The following MECOM variants were observed in gnomAD, a reference collection of about 807,000 sequenced individuals.
MECOM encodes the protein MDS1 and EVI1 complex locus, also known as histone-lysine N-methyltransferase MECOM.
In MECOM, 13 loss-of-function variants were observed where a neutral mutation model predicts 116.3. The observed-to-expected ratio is 0.11, with a 90% CI of 0.07 to 0.18. The LOEUF is 0.18. Among genes scored for constraint, MECOM ranks in the 10% least tolerant of loss-of-function variants. The pLI, the probability that MECOM is intolerant of heterozygous loss-of-function variation, is 1.00. For synonymous variants in MECOM, 528 were observed against 535.2 expected (o/e 0.99, Z 0.19); for missense variants, 1,299 against 1,509.0 (o/e 0.86, Z 2.31).
At chr3:169,452,976 TAAGGGAAA>T (rs1745853395) in intron 1 of MECOM, among the ~76,000 whole-genome samples, 3 of 152,350 alleles carry the variant, frequency 2.0e-5, no homozygotes, top group African/African-American at 7.2e-5. Flanking sequence ...GCTGGCTTTT[TAAGGGAAA>T]TTTCTCAAAT....
intron 2 of MECOM, among the ~76,000 whole-genome samples, chr3:169,303,735 G>A (rs1320774575): frequency 6.6e-6 from 1 of 152,188 alleles, no homozygotes; most frequent in Non-Finnish European, 1.5e-5. Context: ...TAAATCCAGT[G>A]AATTGGAAGC....
chr3:169,378,535 A>C (rs1731770918), intron 2 of MECOM, among the ~76,000 whole-genome samples: 3 of 98,274 alleles, frequency 3.1e-5, no homozygotes, highest in Admixed American at 1.0e-4. Flanking sequence ...AGAAAGAAAG[A>C]AAGAAAGAAA....
intron 2 of MECOM, among the ~76,000 whole-genome samples, chr3:169,284,473 C>G (rs896635770): frequency 6.6e-6 from 1 of 151,978 alleles, no homozygotes; most frequent in Non-Finnish European, 1.5e-5. Context: ...AACATTCTCC[C>G]CTTTAACAAA....
At chr3:169,183,697 C>A (rs1235607822) in intron 2 of MECOM, among the ~76,000 whole-genome samples, 1 of 148,806 alleles carries the variant, frequency 6.7e-6, no homozygotes, top group Admixed American at 6.7e-5. Context: ...TCCAAGAAGG[C>A]AGGGAGAAAG....
chr3:169,379,559 G>A (rs927501104), intron 2 of MECOM, among the ~76,000 whole-genome samples: 1 of 152,036 alleles, frequency 6.6e-6, no homozygotes, highest in Non-Finnish European at 1.5e-5. Context: ...AATTATTTTT[G>A]AATTTCCTCC....
At chr3:169,097,821 A>T (rs909872579) in intron 12 of MECOM, among the ~76,000 whole-genome samples, 50 of 66,162 alleles carry the variant, frequency 7.6e-4, no homozygotes, top group South Asian at 6.5e-3. Context: ...TCTATATAAA[A>T]AAAAAAAAAA....
At chr3:169,536,930 A>G (rs973798499) in intron 1 of MECOM, among the ~76,000 whole-genome samples, 7 of 152,124 alleles carry the variant, frequency 4.6e-5, no homozygotes, top group African/African-American at 1.7e-4. Context: ...TCTTATTCCT[A>G]TTTTATAGAT....
At chr3:169,287,930 C>T (rs1056374817) in intron 2 of MECOM, among the ~76,000 whole-genome samples, 1 of 152,162 alleles carries the variant, frequency 6.6e-6, no homozygotes, top group African/African-American at 2.4e-5. Context: ...CAATAAACCA[C>T]TCTAAGTCTG....
chr3:169,502,917 T>A (rs191167951), intron 1 of MECOM, among the ~76,000 whole-genome samples: 12 of 152,306 alleles, frequency 7.9e-5, no homozygotes, highest in Non-Finnish European at 1.6e-4. Flanking sequence ...TGACTAACTT[T>A]CCCAAATACT....
intron 1 of MECOM, among the ~76,000 whole-genome samples, chr3:169,472,560 G>A (rs148104705): frequency 0.016 from 790 of 50,566 alleles, 13 homozygotes; most frequent in African/African-American, 0.041. Flanking sequence ...AAAGAAAAGA[G>A]AGGAGAGGAG....
At chr3:169,630,176 C>T (rs1332140454) in intron 1 of MECOM, among the ~76,000 whole-genome samples, 1 of 152,218 alleles carries the variant, frequency 6.6e-6, no homozygotes, top group African/African-American at 2.4e-5. Flanking sequence ...TCATTAGCAT[C>T]TACTGTGCCC....
intron 1 of MECOM, among the ~76,000 whole-genome samples, chr3:169,438,187 T>C (rs1353934645): frequency 6.6e-6 from 1 of 152,198 alleles, no homozygotes; most frequent in Non-Finnish European, 1.5e-5. Flanking sequence ...ACTATACACC[T>C]TCTCACTCTG....
At chr3:169,571,452 A>G (rs1400076201) in intron 1 of MECOM, among the ~76,000 whole-genome samples, 1 of 152,214 alleles carries the variant, frequency 6.6e-6, no homozygotes, top group Non-Finnish European at 1.5e-5. Context: ...ATCCCCATCA[A>G]GCTACCATTG....
At chr3:169,389,977 A>G (rs1369964245) in intron 1 of MECOM, among the ~76,000 whole-genome samples, 1 of 152,184 alleles carries the variant, frequency 6.6e-6, no homozygotes, top group Admixed American at 6.5e-5. Context: ...CAACTCCCAT[A>G]TGGGTCAAGA....
chr3:169,451,587 C>T (rs1258007269), intron 1 of MECOM, among the ~76,000 whole-genome samples: 1 of 152,118 alleles, frequency 6.6e-6, no homozygotes, highest in African/African-American at 2.4e-5. Context: ...TTTCTTATGC[C>T]TATTTCTTAG....
At chr3:169,265,494 A>G (rs960532359) in intron 2 of MECOM, among the ~76,000 whole-genome samples, 3 of 152,186 alleles carry the variant, frequency 2.0e-5, no homozygotes, top group African/African-American at 7.2e-5. Context: ...TAAAATAGTG[A>G]GAGAGTTTAG....
chr3:169,556,110 G>A (rs560401124), intron 1 of MECOM, among the ~76,000 whole-genome samples: 1 of 152,320 alleles, frequency 6.6e-6, no homozygotes, highest in East Asian at 1.9e-4. Flanking sequence ...TCAAAAGAGA[G>A]ACCAGGTCTC....
chr3:169,329,113 C>T (rs1292768100), intron 2 of MECOM, among the ~76,000 whole-genome samples: 1 of 152,090 alleles, frequency 6.6e-6, no homozygotes, highest in African/African-American at 2.4e-5. Context: ...GATGAATATG[C>T]ACATAGATTA....
intron 2 of MECOM, among the ~76,000 whole-genome samples, chr3:169,264,840 G>A (rs1014010602): frequency 6.6e-6 from 1 of 152,112 alleles, no homozygotes; most frequent in Non-Finnish European, 1.5e-5. Context: ...CCTGCCAACT[G>A]ACAGCAGTCC....
Sources: gnomAD v4.1 joint callset for allele counts (sites outside exome capture counted in the v4.1 genomes callset) on GRCh38, gnomAD v4.1.1 for gene constraint, MANE v1.5 for transcripts, NCBI Gene and HGNC (gene_info 2026-07-23, HGNC 2026-07-21) for gene names.